The following NCBP3 variants were observed in gnomAD, a reference collection of about 807,000 sequenced individuals.
The protein encoded by NCBP3 is nuclear cap binding subunit 3.
NCBP3 carries 20 observed loss-of-function variants against 75.7 expected under a neutral mutation model. The ratio of observed to expected loss-of-function variants is 0.26; its 90% CI spans 0.19 to 0.38. The LOEUF is 0.38. NCBP3 is among the 10% of genes least tolerant of loss of function. The pLI is 1.00. For missense variants in NCBP3, 678 were observed against 796.9 expected, an observed-to-expected ratio of 0.85 and a Z score of 1.80; for synonymous variants, 293 against 290.5, an observed-to-expected ratio of 1.01 and a Z score of -0.09.
Position 3,806,688 on chromosome 17 carries a change from A to AAG in NCBP3, c.*6355_*6356insCT, listed in dbSNP as rs2053339895. On this transcript the variant is annotated 3_prime_UTR_variant, in exon 13 of 13. Coordinates refer to ENST00000389005, the MANE Select transcript of NCBP3 (RefSeq NM_001114118.3). The stretch of plus-strand genomic sequence containing the variant: ...TTTCCCTAACTACTCCCAGGAACAA[A>AAG]GTTCTGTGAAATGTTCATAGAGCTT... The AAG allele has an allele frequency of 1.3e-5, 2 of 150,148 alleles. No individual in the cohort carries two copies. Among genetic ancestry groups the AAG allele is most frequent in the African/African-American group, 2.4e-5 (1 of 40,990 alleles). 9.3% of individuals were successfully genotyped at this position (150,148 alleles called of 1,614,324 possible).
At chr17:3,837,899 G>C (rs1172610857) in intron 3 of NCBP3, among the ~76,000 whole-genome samples, 1 of 151,936 alleles carries the variant, frequency 6.6e-6, no homozygotes, top group Non-Finnish European at 1.5e-5. Context: ...AAATAAGCAA[G>C]CTTCCCCAGC....
chr17:3,846,079 T>C lies in NCBP3; in HGVS notation c.145A>G (p.Ile49Val), dbSNP rs1013535941. Residue 49 changes from isoleucine (I) to valine (V), a missense_variant, in exon 1 of 13, where the codon ATC becomes GTC. By Grantham distance (29) the Ile-to-Val change is conservative. Transcript: ENST00000389005. This position sits in a 1 kb window ranked among gnomAD's most constrained non-coding sequence, Gnocchi z 4.6. ...PMEVEEGELEIVPVRRSLKEL... is the reference protein window; with the variant it reads ...PMEVEEGELEVVPVRRSLKEL... ...TTGAGCGAGCGCCGCACAGGCACGA[T>C]TTCCAGCTCGCCCTCCTCCACCTCC... is the stretch of plus-strand genomic sequence containing the variant. The C allele has an allele frequency of 6.5e-6, 10 of 1,548,926 alleles. No individual in the cohort carries two copies. Among genetic ancestry groups the C allele is most frequent in the Admixed American group, 2.0e-5 (1 of 50,894 alleles).
chr17:3,819,714 T>C (rs530165425), intron 9 of NCBP3, among the ~76,000 whole-genome samples: 4 of 152,114 alleles, frequency 2.6e-5, no homozygotes, highest in Admixed American at 2.0e-4. Context: ...ATAATGAAAA[T>C]GGAAAAATAC....
intron 7 of NCBP3, 59 bp from the exon 8 acceptor site, chr17:3,822,111 A>AT (rs928144295): frequency 0.011 from 11,759 of 1,068,144 alleles, no homozygotes; most frequent in Non-Finnish European, 0.012. Context: ...ACAATGTTGA[A>AT]TTTTTTTTTT....
chr17:3,819,887 T>C (rs1217265403), intron 9 of NCBP3, among the ~76,000 whole-genome samples: 1 of 152,174 alleles, frequency 6.6e-6, no homozygotes, highest in Non-Finnish European at 1.5e-5. Flanking sequence ...ATAAAAAGTA[T>C]ATGATGAAAA....
Position 3,804,185 on chromosome 17 carries a change from C to T in NCBP3, c.*8859G>A, listed in dbSNP as rs1196191679. ...TCCAATCTAGACAACATAGTATGAA[C>T]CTGTCTCTTTAAAAAAAAGTTGCAA... On this transcript the variant is annotated 3_prime_UTR_variant, in exon 13 of 13. Coordinates refer to ENST00000389005, the MANE Select transcript of NCBP3 (RefSeq NM_001114118.3). 1.3e-5 allele frequency: 2 copies of T among 152,154 alleles called. No homozygotes were observed. Among genetic ancestry groups the T allele is most frequent in the Non-Finnish European group, 2.9e-5 (2 of 68,038 alleles). 9.4% of individuals were successfully genotyped at this position (152,154 alleles called of 1,614,324 possible). A position where few individuals can be genotyped will look rare whatever the true frequency, so the allele number is the denominator to read the frequency against.
intron 4 of NCBP3, among the ~76,000 whole-genome samples, chr17:3,828,636 C>G (rs1182118521): frequency 6.6e-6 from 1 of 152,070 alleles, no homozygotes; most frequent in Admixed American, 6.6e-5. Context: ...TTACAGTAAG[C>G]AGGCAAGTTA....
Position 3,818,057 on chromosome 17 carries a change from G to C in NCBP3, c.1310+206C>G, listed in dbSNP as rs1013520992. 6.6e-6 allele frequency among the ~76,000 whole-genome samples: 1 copy of C among 152,088 alleles called. No homozygotes were observed. Among genetic ancestry groups the C allele is most frequent in the Non-Finnish European group, 1.5e-5 (1 of 68,034 alleles). ...ATTGTTGAGAAAGAATGGGAATACA[G>C]ATGATTTTCACTTTCTATGTTGTCT... On this transcript the variant is annotated intron_variant, in intron 10 of 12. Coordinates refer to ENST00000389005, the MANE Select transcript of NCBP3 (RefSeq NM_001114118.3). The surrounding 1 kb of genome is among the most constrained non-coding windows in gnomAD (Gnocchi z 4.7).
intron 3 of NCBP3, among the ~76,000 whole-genome samples, chr17:3,835,465 G>A (rs116953296): frequency 0.029 from 4,399 of 152,348 alleles, 78 homozygotes; most frequent in Non-Finnish European, 0.042. Context: ...AGAAAGTTGC[G>A]ACACATGAAG....
At position 3,813,049 on chromosome 17, in the gene NCBP3, A is replaced by G. The variant is rs1251262823; in HGVS notation, c.1858T>C (p.Ser620Pro). 3.7e-6 allele frequency: 6 copies of G among 1,614,044 alleles called. No homozygotes were observed. The highest frequency in any genetic ancestry group is 5.1e-6 in the Non-Finnish European group (6 of 1,179,994). Residue 620 changes from serine to proline, a missense_variant, in exon 13 of 13, where the codon TCC (serine) becomes CCC (proline). Transcript: ENST00000389005. ...RESSSGSEAES is the reference protein window; with the variant it reads ...RESSSGSEAEP ...TGCCATAGGCCCCAGGGGCATCAGG[A>G]CTCTGCCTCTGAACCAGAGCTGCTT...
chr17:3,818,309 T>C lies in NCBP3; in HGVS notation c.1264A>G (p.Met422Val). 1 of 1,613,816 alleles carries C rather than the reference T, an allele frequency of 6.2e-7. No homozygotes were observed. The highest frequency in any genetic ancestry group is 1.1e-5 in the South Asian group (1 of 91,018). The change falls in exon 10 of 13, where the codon ATG becomes GTG. Residue 422 changes from methionine (M) to valine (V), a missense_variant. Around this residue, in one of 7 missense-constraint regions of NCBP3, gnomAD observed 365 missense variants for 392.7 expected, o/e 0.93. Coordinates refer to ENST00000389005, the MANE Select transcript of NCBP3 (RefSeq NM_001114118.3). This position sits in a 1 kb window ranked among gnomAD's most constrained non-coding sequence, Gnocchi z 4.7. ...STPSPKKSMK[M>V]TMYADEVESQ... ...TCCACTTCGTCAGCATACATAGTCA[T>C]TTTCATGCTTTTCTTTGGTGAAGGC... is the stretch of plus-strand genomic sequence containing the variant.
At chr17:3,842,315 C>T (rs974353708) in intron 2 of NCBP3, among the ~76,000 whole-genome samples, 5 of 152,120 alleles carry the variant, frequency 3.3e-5, no homozygotes, top group African/African-American at 1.2e-4. Flanking sequence ...GTCCTACCTA[C>T]TCAGGAGGCT....
At chr17:3,843,390 G>T (rs943529351) in intron 1 of NCBP3, among the ~76,000 whole-genome samples, 1 of 151,914 alleles carries the variant, frequency 6.6e-6, no homozygotes, top group East Asian at 1.9e-4. Context: ...ATGCCACCAT[G>T]CCCAGCTAAT....
chr17:3,830,108 T>C (rs2053852051), intron 3 of NCBP3, among the ~76,000 whole-genome samples: 1 of 152,172 alleles, frequency 6.6e-6, no homozygotes, highest in African/African-American at 2.4e-5. Context: ...CCCCGGCTGG[T>C]GGGCATCGTC....
intron 1 of NCBP3, among the ~76,000 whole-genome samples, chr17:3,844,518 C>T (rs1427075945): frequency 2.0e-5 from 3 of 152,122 alleles, no homozygotes; most frequent in Admixed American, 2.0e-4. Context: ...CTTGATCAAG[C>T]ACCTAGGGCT....
In NCBP3 at chr17:3,824,949, A is replaced by G. The variant is rs1475422232; in HGVS notation, c.789T>C (p.Ala263=). The G allele has an allele frequency of 1.3e-6, 2 of 1,516,564 alleles. No homozygotes were observed. The highest frequency in any genetic ancestry group is 2.5e-5 in the East Asian group (1 of 40,370). The allele number at this position is 1,516,564 out of a possible 1,614,324, so 93.9% of individuals were successfully genotyped here. A position where few individuals can be genotyped will look rare whatever the true frequency, so the allele number is the denominator to read the frequency against. ...AKGNRLFMRF[A]TKDDKKELGA... Reference sequence around the variant, plus strand: ...ACCAAATATTACATTTACCTTTTGTAGCAAATCTCATGAATAACCTATTTC... The same window carrying G: ...ACCAAATATTACATTTACCTTTTGTGGCAAATCTCATGAATAACCTATTTC... Residue 263 remains alanine, a synonymous_variant, in exon 7 of 13, where the codon GCT becomes GCC. Transcript: ENST00000389005.
At chr17:3,822,111 A>ATTT in intron 7 of NCBP3, 59 bp from the exon 8 acceptor site, 4 of 1,106,420 alleles carry the variant, frequency 3.6e-6, no homozygotes, top group Non-Finnish European at 5.2e-6. Flanking sequence ...ACAATGTTGA[A>ATTT]TTTTTTTTTT....
Position 3,808,229 on chromosome 17 carries a change from T to A in NCBP3, c.*4815A>T, listed in dbSNP as rs1307549203. On this transcript the variant is annotated 3_prime_UTR_variant, in exon 13 of 13. Coordinates refer to ENST00000389005, the MANE Select transcript of NCBP3 (RefSeq NM_001114118.3). Reference sequence around the variant, plus strand: ...CAGCCCTAACTGCAGGCCAATCACTTCACCTGGTACTCAACCAAACAGTAA... The same window carrying A: ...CAGCCCTAACTGCAGGCCAATCACTACACCTGGTACTCAACCAAACAGTAA... 6.6e-6 allele frequency: 1 copy of A among 152,186 alleles called. No homozygotes were observed. Among genetic ancestry groups the A allele is most frequent in the Non-Finnish European group, 1.5e-5 (1 of 68,032 alleles). 9.4% of individuals were successfully genotyped at this position (152,186 alleles called of 1,614,324 possible).
At position 3,807,129 on chromosome 17, in the gene NCBP3, T is replaced by C. The variant is rs188139602; in HGVS notation, c.*5915A>G. Reference sequence around the variant, plus strand: ...TTAGGCAAAAGAGCCACTGGAGGAATGAGCTCTGCTCTTTTCACCTGCTCT... The same window carrying C: ...TTAGGCAAAAGAGCCACTGGAGGAACGAGCTCTGCTCTTTTCACCTGCTCT... On this transcript the variant is annotated 3_prime_UTR_variant, in exon 13 of 13. Coordinates refer to ENST00000389005, the MANE Select transcript of NCBP3 (RefSeq NM_001114118.3). 24 of 152,362 alleles carry C rather than the reference T, an allele frequency of 1.6e-4. No individual in the cohort carries two copies. The East Asian group carries it at 2.1e-3, about 13-fold the overall frequency. The allele number at this position is 152,362 out of a possible 1,614,324, so 9.4% of individuals were successfully genotyped here.
Sources: allele counts gnomAD v4.1 joint callset (sites outside exome capture counted in the v4.1 genomes callset), GRCh38; gene constraint gnomAD v4.1.1; regional missense constraint gnomAD v4.1.1; non-coding constraint Gnocchi (gnomAD v3.1); transcripts MANE v1.5; gene names NCBI Gene and HGNC (gene_info 2026-07-23, HGNC 2026-07-21).